Variants in GFRA3 observed in about 807,000 individuals in gnomAD.
GFRA3 encodes the protein GDNF family receptor alpha 3, also known as GDNF family receptor alpha-3.
In GFRA3, 24 loss-of-function variants were observed where a neutral mutation model predicts 40.0. That is an observed-to-expected ratio of 0.60 (90% CI 0.43 to 0.84). The LOEUF (loss-of-function observed/expected upper bound fraction) is 0.84. Ranked by LOEUF, GFRA3 falls within the 40% of genes least tolerant of loss-of-function variation. The probability of loss-of-function intolerance (pLI) is 0.00; values close to 1 mark genes in which losing one functional copy is unlikely to be tolerated. For missense variants in GFRA3, 405 were observed against 530.6 expected, an observed-to-expected ratio of 0.76 and a Z score of 2.33; for synonymous variants, 203 against 213.5, an observed-to-expected ratio of 0.95 and a Z score of 0.43.
chr5:138,262,040 A>G (rs1033073112), intron 2 of GFRA3, among the ~76,000 whole-genome samples: 2 of 152,232 alleles, frequency 1.3e-5, no homozygotes, highest in African/African-American at 2.4e-5. Context: ...CCACAGGCAC[A>G]TGAGATGATA....
In GFRA3 at chr5:138,259,662, T is replaced by C; in HGVS notation, c.380-13A>G. ...AGCTCATAGTTACCTAGAGACAAGG[T>C]GGGGAGCACCAGAATGCTGAGGACC... On this transcript the variant is annotated splice_polypyrimidine_tract_variant and intron_variant, in intron 2 of 7. Coordinates refer to ENST00000274721, the MANE Select transcript of GFRA3 (RefSeq NM_001496.4). 8.7e-7 allele frequency: 1 copy of C among 1,152,604 alleles called. No individual in the cohort carries two copies. The highest frequency in any genetic ancestry group is 1.3e-6 in the Non-Finnish European group (1 of 757,958). The allele number at this position is 1,152,604 out of a possible 1,614,324, so 71.4% of individuals were successfully genotyped here.
At chr5:138,258,111 C>T (rs1418654196) in intron 3 of GFRA3, among the ~76,000 whole-genome samples, 160 bp from the exon 4 acceptor site, 1 of 151,164 alleles carries the variant, frequency 6.6e-6, no homozygotes, top group Non-Finnish European at 1.5e-5. Context: ...TCCAGGGCTT[C>T]CCCTCTCCCC....
chr5:138,262,861 T>G (rs534651933), intron 2 of GFRA3, among the ~76,000 whole-genome samples: 3 of 152,188 alleles, frequency 2.0e-5, no homozygotes, highest in African/African-American at 7.2e-5. Flanking sequence ...TTTTAGTTCA[T>G]AAGTTTTTAG....
chr5:138,265,842 C>T (rs1464894497), intron 1 of GFRA3, among the ~76,000 whole-genome samples: 1 of 152,124 alleles, frequency 6.6e-6, no homozygotes, highest in Non-Finnish European at 1.5e-5. Context: ...ACTACAGGCA[C>T]ATGCCACCAC....
intron 4 of GFRA3, among the ~76,000 whole-genome samples, chr5:138,257,260 C>G (rs1755645307): frequency 6.6e-6 from 1 of 152,122 alleles, no homozygotes; most frequent in South Asian, 2.1e-4. Flanking sequence ...CAGAAAAATG[C>G]TCATGAGACA....
chr5:138,253,975 G>A (rs1755589110), intron 5 of GFRA3, 75 bp from the exon 6 acceptor site: 2 of 1,577,386 alleles, frequency 1.3e-6, no homozygotes. Flanking sequence ...ACCCATGTCA[G>A]GATCACATCC....
intron 1 of GFRA3, among the ~76,000 whole-genome samples, chr5:138,265,293 C>T (rs1379252255): frequency 6.9e-6 from 1 of 145,132 alleles, no homozygotes; most frequent in East Asian, 2.1e-4. Flanking sequence ...CTTGGCTCAA[C>T]GCAACCTCCG....
At chr5:138,268,707 G>A (rs1463388556) in intron 1 of GFRA3, among the ~76,000 whole-genome samples, 8 of 151,946 alleles carry the variant, frequency 5.3e-5, no homozygotes, top group African/African-American at 1.5e-4. Flanking sequence ...TGACTAACAC[G>A]ATGAAACCCC....
chr5:138,274,512 C>T lies in GFRA3; in HGVS notation c.-88G>A. ...GGCTCCCTCGACCGGCACCTCCCGC[C>T]CCCGCCTCCCGCCCTCCAGCGCGAC... On this transcript the variant is annotated 5_prime_UTR_variant, in exon 1 of 8. Transcript: ENST00000274721. The T allele has an allele frequency of 8.1e-7, 1 of 1,238,026 alleles. No individual in the cohort carries two copies. 76.7% of individuals were successfully genotyped at this position (1,238,026 alleles called of 1,614,324 possible).
intron 3 of GFRA3, among the ~76,000 whole-genome samples, chr5:138,258,921 G>C (rs1755673747): frequency 6.6e-6 from 1 of 152,168 alleles, no homozygotes; most frequent in South Asian, 2.1e-4. Flanking sequence ...TTGTCACTTA[G>C]AGTTTTTCAT....
intron 1 of GFRA3, among the ~76,000 whole-genome samples, chr5:138,273,900 T>G (rs1049540240): frequency 1.3e-5 from 2 of 152,364 alleles, no homozygotes; most frequent in Admixed American, 1.3e-4. Context: ...TTTCTTCACC[T>G]GTACCTAGTT....
At chr5:138,274,029 G>C (rs1440185234) in intron 1 of GFRA3, among the ~76,000 whole-genome samples, 3 of 152,178 alleles carry the variant, frequency 2.0e-5, no homozygotes, top group South Asian at 2.1e-4. Flanking sequence ...TGACCTGGCT[G>C]TGGGTTGTTC....
chr5:138,257,857 G>A lies in GFRA3; in HGVS notation c.567C>T (p.Pro189=). The A allele has an allele frequency of 6.2e-7, 1 of 1,613,940 alleles. No homozygotes were observed. The highest frequency in any genetic ancestry group is 2.2e-5 in the East Asian group (1 of 44,884). The change falls in exon 4 of 8, where the codon CCC becomes CCT. Residue 189 remains proline, a synonymous_variant. Transcript: ENST00000274721. The part of the protein sequence containing the change: ...RKAYGEACSG[P]HCQRHVCLRQ... ...TGAGGCAGACGTGGCGCTGGCAGTG[G>A]GGCCCGGAGCACGCCTCCCCGTAGG...
At chr5:138,263,924 G>A (rs1382381493) in intron 2 of GFRA3, among the ~76,000 whole-genome samples, 1 of 152,112 alleles carries the variant, frequency 6.6e-6, no homozygotes, top group African/African-American at 2.4e-5. Context: ...GGTATTTGGA[G>A]CCTGTTTATG....
chr5:138,257,489 T>C, intron 4 of GFRA3, 150 bp downstream of exon 4: 1 of 604,098 alleles, frequency 1.7e-6, no homozygotes, highest in Non-Finnish European at 2.8e-6. Flanking sequence ...GAAAAGACTT[T>C]CACAAAATAT....
chr5:138,266,305 T>C (rs995518210), intron 1 of GFRA3, among the ~76,000 whole-genome samples: 2 of 152,030 alleles, frequency 1.3e-5, no homozygotes, highest in African/African-American at 2.4e-5. Flanking sequence ...GTACAAGGAG[T>C]CTAGTTTCTA....
chr5:138,271,911 T>TGTGTGTG (rs61407779), intron 1 of GFRA3, among the ~76,000 whole-genome samples: 29 of 95,238 alleles, frequency 3.0e-4, no homozygotes, highest in Non-Finnish European at 5.5e-4. Flanking sequence ...TTTTTTTTTT[T>TGTGTGTG]TTTGTGTGTG....
At position 138,253,219 on chromosome 5, in the gene GFRA3, C is replaced by T; in HGVS notation, c.1113+68G>A. The stretch of plus-strand genomic sequence containing the variant: ...CAGCCCCTCGCCTCTATCCCTTTGT[C>T]TGCCTAGTTTGGGTTTTCCCCAGCC... On this transcript the variant is annotated intron_variant, in intron 7 of 7. Transcript: ENST00000274721. 3 of 1,070,950 alleles carry T rather than the reference C, an allele frequency of 2.8e-6. No individual in the cohort carries two copies. The East Asian group carries it at 7.7e-5, about 27-fold the overall frequency. 66.3% of individuals were successfully genotyped at this position (1,070,950 alleles called of 1,614,324 possible). A position where few individuals can be genotyped will look rare whatever the true frequency, so the allele number is the denominator to read the frequency against.
At chr5:138,258,166 C>CTTTTTTTTTTTTTTTTTTTTTTTTTTT (rs66792829) in intron 3 of GFRA3, among the ~76,000 whole-genome samples, 1 of 51,640 alleles carries the variant, frequency 1.9e-5, no homozygotes, top group Admixed American at 2.6e-4. Context: ...CCCTACTCCT[C>CTTTTTTTTTTTTTTTTTTTTTTTTTTT]TTTTTTTTTT....
Sources: allele counts gnomAD v4.1 joint callset (sites outside exome capture counted in the v4.1 genomes callset), GRCh38; gene constraint gnomAD v4.1.1; transcripts MANE v1.5; gene names NCBI Gene and HGNC (gene_info 2026-07-23, HGNC 2026-07-21).